Variants in GRIN2B observed in about 807,000 individuals in gnomAD.
GRIN2B encodes the protein glutamate receptor ionotropic, NMDA 2B.
In GRIN2B, 5 loss-of-function variants were observed where a neutral mutation model predicts 114.5. The ratio of observed to expected loss-of-function variants is 0.04; its 90% CI spans 0.02 to 0.09. The LOEUF (loss-of-function observed/expected upper bound fraction) is 0.09. Ranked by LOEUF, GRIN2B falls within the 10% of genes least tolerant of loss-of-function variation. The pLI, the probability that GRIN2B is intolerant of heterozygous loss-of-function variation, is 1.00. For synonymous variants in GRIN2B, 787 were observed against 745.1 expected, an observed-to-expected ratio of 1.06 and a Z score of -0.92; for missense variants, 1,108 against 1,943.5, an observed-to-expected ratio of 0.57 and a Z score of 8.08.
chr12:13,616,727 G>T, intron 5 of GRIN2B, 70 bp from the exon 6 acceptor site: 1 of 1,253,376 alleles, frequency 8.0e-7, no homozygotes, highest in Non-Finnish European at 1.2e-6. Flanking sequence ...TCCCAGTATT[G>T]TCTGAACAAT....
intron 3 of GRIN2B, among the ~76,000 whole-genome samples, chr12:13,824,549 T>C (rs983204608): frequency 6.6e-6 from 1 of 152,168 alleles, no homozygotes; most frequent in Non-Finnish European, 1.5e-5. Context: ...CTATCAATCT[T>C]ATCTTTTCAA....
chr12:13,608,581 A>G, intron 10 of GRIN2B, 22 bp downstream of exon 10: 2 of 1,522,128 alleles, frequency 1.3e-6, no homozygotes, highest in Non-Finnish European at 1.8e-6. Flanking sequence ...GAAAGACGGG[A>G]GATTTCAAAT....
intron 10 of GRIN2B, 56 bp from the exon 11 acceptor site, chr12:13,572,020 G>C (rs1015296118): frequency 9.6e-6 from 13 of 1,353,138 alleles, no homozygotes; most frequent in East Asian, 2.4e-5. Flanking sequence ...GAGAGAGAGA[G>C]AAAAGTCATT....
At chr12:13,922,869 C>A (rs1866846573) in intron 2 of GRIN2B, among the ~76,000 whole-genome samples, 1 of 152,146 alleles carries the variant, frequency 6.6e-6, no homozygotes, top group Non-Finnish European at 1.5e-5. Flanking sequence ...GGGCAAGTGA[C>A]CTATGCTGGG....
At chr12:13,825,362 A>G (rs1438261464) in intron 3 of GRIN2B, among the ~76,000 whole-genome samples, 1 of 151,356 alleles carries the variant, frequency 6.6e-6, no homozygotes, top group African/African-American at 2.4e-5. Flanking sequence ...ACCTTGGTAA[A>G]TATAACATAT....
intron 2 of GRIN2B, among the ~76,000 whole-genome samples, chr12:13,954,300 C>A (rs1867547286): frequency 6.6e-6 from 1 of 152,160 alleles, no homozygotes; most frequent in South Asian, 2.1e-4. Context: ...AGGGTGCTGG[C>A]CAGGTTAGAG....
At chr12:13,959,407 C>T (rs1403920866) in intron 2 of GRIN2B, among the ~76,000 whole-genome samples, 1 of 152,068 alleles carries the variant, frequency 6.6e-6, no homozygotes, top group East Asian at 1.9e-4. Flanking sequence ...TGCTAATAAG[C>T]AGTAATGGAG....
chr12:13,678,530 T>C (rs966628540), intron 4 of GRIN2B, among the ~76,000 whole-genome samples: 1 of 152,124 alleles, frequency 6.6e-6, no homozygotes, highest in East Asian at 1.9e-4. Flanking sequence ...CCTTTACATA[T>C]TCCTCATATG....
intron 3 of GRIN2B, among the ~76,000 whole-genome samples, chr12:13,863,799 G>C (rs571417037): frequency 3.9e-5 from 6 of 152,108 alleles, no homozygotes; most frequent in Non-Finnish European, 7.4e-5. Flanking sequence ...TTTTCTACCA[G>C]GGAGAAATAA....
chr12:13,570,477 G>T (rs1234015114), intron 11 of GRIN2B, among the ~76,000 whole-genome samples: 1 of 152,154 alleles, frequency 6.6e-6, no homozygotes, highest in East Asian at 1.9e-4. Flanking sequence ...CTATTTTTGT[G>T]GTCAGGAAGG....
chr12:13,934,875 A>C (rs1867100022), intron 2 of GRIN2B, among the ~76,000 whole-genome samples: 1 of 152,214 alleles, frequency 6.6e-6, no homozygotes, highest in Admixed American at 6.5e-5. Flanking sequence ...CTGTCAAGGC[A>C]GATATGACCA....
At chr12:13,629,040 A>AT (rs1422050195) in intron 5 of GRIN2B, among the ~76,000 whole-genome samples, 1 of 152,180 alleles carries the variant, frequency 6.6e-6, no homozygotes, top group East Asian at 1.9e-4. Flanking sequence ...AGAAAAAAAA[A>AT]GGCTTGAAGG....
At chr12:13,730,122 G>A (rs562474971) in intron 4 of GRIN2B, among the ~76,000 whole-genome samples, 1 of 151,718 alleles carries the variant, frequency 6.6e-6, no homozygotes, top group Non-Finnish European at 1.5e-5. Flanking sequence ...CCTCATAAAG[G>A]TGCCATCCCC....
At chr12:13,715,360 G>A (rs1192901061) in intron 4 of GRIN2B, among the ~76,000 whole-genome samples, 1 of 151,774 alleles carries the variant, frequency 6.6e-6, no homozygotes, top group African/African-American at 2.4e-5. Context: ...GCACCATTAG[G>A]CTGAGAAATG....
In GRIN2B at chr12:13,562,362, A is replaced by G. The variant is rs971892918; in HGVS notation, c.*421T>C. On this transcript the variant is annotated 3_prime_UTR_variant, in exon 14 of 14. Coordinates refer to ENST00000609686, the MANE Select transcript of GRIN2B (RefSeq NM_000834.5). Reference sequence around the variant, plus strand: ...ATAGATGCTTTTGCTTCCTCACCTAAATGAAAAGATCAGTTTGGGAAAAGC... The same window carrying G: ...ATAGATGCTTTTGCTTCCTCACCTAGATGAAAAGATCAGTTTGGGAAAAGC... The G allele has an allele frequency of 5.0e-6, 1 of 200,446 alleles. No homozygotes were observed. Among genetic ancestry groups the G allele is most frequent in the African/African-American group, 2.3e-5 (1 of 42,696 alleles). 12.4% of individuals were successfully genotyped at this position (200,446 alleles called of 1,614,324 possible).
At chr12:13,586,675 C>T (rs534397979) in intron 10 of GRIN2B, among the ~76,000 whole-genome samples, 4 of 152,340 alleles carry the variant, frequency 2.6e-5, no homozygotes, top group African/African-American at 7.2e-5. Flanking sequence ...ACTCAGTTCT[C>T]TTCTGAAATA....
At chr12:13,868,095 G>A (rs1326816610) in intron 2 of GRIN2B, among the ~76,000 whole-genome samples, 2 of 152,084 alleles carry the variant, frequency 1.3e-5, no homozygotes, top group Non-Finnish European at 2.9e-5. Flanking sequence ...CCAGTTCTTG[G>A]CAGAAAACAT....
rs1948379869 is a variant in GRIN2B, at chr12:13,548,999, A to T, written c.*13784T>A. The T allele has an allele frequency of 8.4e-6, 1 of 118,586 alleles. No individual in the cohort carries two copies. The highest frequency in any genetic ancestry group is 2.1e-5 in the Non-Finnish European group (1 of 48,222). 7.3% of individuals were successfully genotyped at this position (118,586 alleles called of 1,614,324 possible). ...TATCTTCCCTCTAGGGCTAGGAAGG[A>T]CTGATAAAAAAAAAAAGTTACTCTA... On this transcript the variant is annotated 3_prime_UTR_variant, in exon 14 of 14. Transcript: ENST00000609686.
intron 2 of GRIN2B, among the ~76,000 whole-genome samples, chr12:13,867,725 C>T (rs1865849279): frequency 6.6e-6 from 1 of 152,012 alleles, no homozygotes; most frequent in Non-Finnish European, 1.5e-5. Flanking sequence ...TATCCAAGGT[C>T]AATGGCATTA....
Sources: gnomAD v4.1 joint callset for allele counts (sites outside exome capture counted in the v4.1 genomes callset) on GRCh38, gnomAD v4.1.1 for gene constraint, MANE v1.5 for transcripts, NCBI Gene and HGNC (gene_info 2026-07-23, HGNC 2026-07-21) for gene names.